The following DENND2B variants were observed in gnomAD, a reference collection of about 807,000 sequenced individuals.
DENND2B encodes DENN domain containing 2B.
In DENND2B, 32 loss-of-function variants were observed where a neutral mutation model predicts 116.0. That is an observed-to-expected ratio of 0.28 (90% CI 0.21 to 0.37). The LOEUF is 0.37. Among genes scored for constraint, DENND2B ranks in the 10% least tolerant of loss-of-function variants. The pLI, the probability that DENND2B is intolerant of heterozygous loss-of-function variation, is 1.00. For missense variants in DENND2B, 1,276 were observed against 1,477.7 expected, an observed-to-expected ratio of 0.86 and a Z score of 2.24; for synonymous variants, 588 against 583.9, an observed-to-expected ratio of 1.01 and a Z score of -0.10.
At chr11:8,788,297 A>G (rs11603335) in intron 1 of DENND2B, among the ~76,000 whole-genome samples, 99,097 of 152,034 alleles carry the variant, frequency 0.65, 32,497 homozygotes, top group Non-Finnish European at 0.68. Context: ...GGCTCACTGC[A>G]TTTCCTCTCA....
At chr11:8,814,136 T>C (rs377196665), upstream of DENND2B, among the ~76,000 whole-genome samples, 6 of 152,198 alleles carry the variant, frequency 3.9e-5, no homozygotes, top group East Asian at 1.2e-3. Flanking sequence ...ACTTCCAAAA[T>C]ATATCTTTTA....
At chr11:8,825,712 T>C (rs2061951908) in intron 4 of DENND2B, among the ~76,000 whole-genome samples, 1 of 151,814 alleles carries the variant, frequency 6.6e-6, no homozygotes, top group African/African-American at 2.4e-5. Flanking sequence ...CAAGATGAAA[T>C]TTTTAAAGGG....
intron 4 of DENND2B, chr11:8,831,528 T>C (rs1016775219): frequency 3.3e-5 from 5 of 152,194 alleles, no homozygotes; most frequent in East Asian, 3.9e-4. Flanking sequence ...ACACACACCC[T>C]TGGGTAGACA....
At chr11:8,811,449 G>C (rs924672631), upstream of DENND2B, 1 of 395,242 alleles carries the variant, frequency 2.5e-6, no homozygotes, top group Non-Finnish European at 4.5e-6. Flanking sequence ...TCTCTGCCCT[G>C]CTAAGGATCT....
chr11:8,862,728 C>G (rs1257614566), intron 2 of DENND2B, among the ~76,000 whole-genome samples: 2 of 152,140 alleles, frequency 1.3e-5, no homozygotes, highest in African/African-American at 2.4e-5. Flanking sequence ...CACGCCTAGC[C>G]TGGGTGATAA....
intron 19 of DENND2B, chr11:8,694,525 G>T (rs1156583928): frequency 2.2e-6 from 1 of 462,278 alleles, no homozygotes; most frequent in Non-Finnish European, 4.3e-6. Context: ...ATTCACTCAG[G>T]AAGGAGTGCA....
At chr11:8,737,945 C>T (rs2049399348) in intron 2 of DENND2B, among the ~76,000 whole-genome samples, 1 of 150,252 alleles carries the variant, frequency 6.7e-6, no homozygotes, top group African/African-American at 2.4e-5. Flanking sequence ...ATGGGGGTCT[C>T]ACTATGTTGC....
chr11:8,735,797 G>A (rs1023367853), intron 2 of DENND2B, among the ~76,000 whole-genome samples: 1 of 152,344 alleles, frequency 6.6e-6, no homozygotes, highest in East Asian at 1.9e-4. Context: ...GGCTTCAGGA[G>A]GGACACAATG....
chr11:8,879,950 G>T (rs754309027), intron 2 of DENND2B, among the ~76,000 whole-genome samples: 4 of 152,174 alleles, frequency 2.6e-5, no homozygotes, highest in Non-Finnish European at 5.9e-5. Flanking sequence ...TTATGAAAAG[G>T]TTAGTCACAT....
intron 1 of DENND2B, among the ~76,000 whole-genome samples, chr11:8,900,381 A>G (rs1290067979): frequency 6.7e-6 from 1 of 148,946 alleles, no homozygotes; most frequent in Non-Finnish European, 1.5e-5. Flanking sequence ...GCAGTGCCCA[A>G]GGTCGTGCCA....
chr11:8,907,066 T>C (rs1053362716), intron 1 of DENND2B, among the ~76,000 whole-genome samples: 1 of 152,080 alleles, frequency 6.6e-6, no homozygotes, highest in Non-Finnish European at 1.5e-5. Context: ...AAGTCCCAAA[T>C]ACAGCACCAG....
intron 1 of DENND2B, among the ~76,000 whole-genome samples, chr11:8,783,108 G>A (rs1477004010): frequency 6.9e-6 from 1 of 144,882 alleles, no homozygotes; most frequent in Non-Finnish European, 1.5e-5. Flanking sequence ...AGATTGGAGT[G>A]CAGTGGCACA....
At chr11:8,839,964 A>G (rs187385528) in intron 3 of DENND2B, among the ~76,000 whole-genome samples, 1 of 152,144 alleles carries the variant, frequency 6.6e-6, no homozygotes, top group Non-Finnish European at 1.5e-5. Flanking sequence ...TGGACAGTCT[A>G]TGAGACAAGG....
chr11:8,735,321 C>T (rs1185351153), intron 2 of DENND2B, among the ~76,000 whole-genome samples: 3 of 152,160 alleles, frequency 2.0e-5, no homozygotes, highest in African/African-American at 4.8e-5. Context: ...CAATAGCCAG[C>T]CTACAACTGC....
At chr11:8,711,842 C>T (rs1018985280) in intron 9 of DENND2B, 8 of 351,672 alleles carry the variant, frequency 2.3e-5, no homozygotes, top group Non-Finnish European at 3.5e-5. Context: ...ACTCCAGCCT[C>T]TGTAACAAGA....
intron 1 of DENND2B, among the ~76,000 whole-genome samples, chr11:8,804,237 C>G (rs527922492): frequency 6.6e-6 from 1 of 152,288 alleles, no homozygotes; most frequent in African/African-American, 2.4e-5. Flanking sequence ...AACGTGTAGG[C>G]CAGGTCTGAA....
intron 4 of DENND2B, chr11:8,719,106 G>C (rs1210626910): frequency 1.0e-6 from 1 of 985,544 alleles, no homozygotes; most frequent in East Asian, 1.1e-4. Context: ...TTACGCCCCA[G>C]AGGAACTCAG....
chr11:8,817,504 C>T (rs1315784381), intron 4 of DENND2B, among the ~76,000 whole-genome samples: 2 of 151,318 alleles, frequency 1.3e-5, no homozygotes, highest in African/African-American at 2.5e-5. Context: ...TGACCTAATT[C>T]CCCCTGCCTC....
chr11:8,850,718 G>T (rs527754519), intron 3 of DENND2B, among the ~76,000 whole-genome samples: 1 of 152,288 alleles, frequency 6.6e-6, no homozygotes, highest in South Asian at 2.1e-4. Context: ...AGAGCTATCT[G>T]CACTTCCATG....
Sources: gnomAD v4.1 joint callset for allele counts (sites outside exome capture counted in the v4.1 genomes callset) on GRCh38, gnomAD v4.1.1 for gene constraint, MANE v1.5 for transcripts, NCBI Gene and HGNC (gene_info 2026-07-23, HGNC 2026-07-21) for gene names.